LRP1B: variants seen among roughly 807,000 people sequenced by gnomAD.
The protein encoded by LRP1B is LDL receptor related protein 1B, also known as low-density lipoprotein receptor-related protein 1B.
Under a neutral mutation model 556.6 loss-of-function variants are expected in LRP1B, and 217 were observed. That is an observed-to-expected ratio of 0.39 (90% CI 0.35 to 0.44). The LOEUF is 0.44. LRP1B is among the 20% of genes least tolerant of loss of function. The pLI, the probability that LRP1B is intolerant of heterozygous loss-of-function variation, is 1.00. For missense variants in LRP1B, 5,053 were observed against 5,620.8 expected (o/e 0.90, Z 3.23); for synonymous variants, 2,047 against 1,865.8 (o/e 1.10, Z -2.50).
chr2:140,733,692 G>A (rs995272808), intron 35 of LRP1B, among the ~76,000 whole-genome samples: 35 of 152,150 alleles, frequency 2.3e-4, no homozygotes, highest in African/African-American at 7.0e-4. Context: ...AATGAGATTA[G>A]TGATCACTTC....
intron 3 of LRP1B, among the ~76,000 whole-genome samples, chr2:141,408,000 T>A (rs1414073899): frequency 1.3e-5 from 2 of 152,162 alleles, no homozygotes; most frequent in Admixed American, 1.3e-4. Flanking sequence ...CATTCTAGCA[T>A]CCAGAAAGAG....
Position 141,445,803 on chromosome 2 carries a change from T to G in LRP1B, c.343+34593A>C, listed in dbSNP as rs146524568. 3.2e-3 allele frequency among the ~76,000 whole-genome samples: 488 copies of G among 152,322 alleles called. 2 individuals are homozygous for G. The highest frequency in any genetic ancestry group is 0.011 in the African/African-American group (466 of 41,568). The stretch of plus-strand genomic sequence containing the variant: ...TCTGAGAGACTGTTATAATTTCTGT[T>G]CTTTCTCATTTGCTGAGGAGTATTT... On this transcript the variant is annotated intron_variant, in intron 3 of 90. Coordinates refer to ENST00000389484, the MANE Select transcript of LRP1B (RefSeq NM_018557.3).
chr2:141,826,144 T>C (rs1432580160), intron 1 of LRP1B, among the ~76,000 whole-genome samples: 1 of 151,876 alleles, frequency 6.6e-6, no homozygotes, highest in Non-Finnish European at 1.5e-5. Context: ...ATAGCTGCTA[T>C]CGCATTTTCA....
At chr2:140,665,811 A>G (rs2105348222) in intron 41 of LRP1B, among the ~76,000 whole-genome samples, 1 of 152,176 alleles carries the variant, frequency 6.6e-6, no homozygotes, top group Admixed American at 6.5e-5. Flanking sequence ...TATGTAACTT[A>G]TCTAAGAATA....
At chr2:141,416,285 T>C (rs771333280) in intron 3 of LRP1B, among the ~76,000 whole-genome samples, 18 of 152,128 alleles carry the variant, frequency 1.2e-4, no homozygotes, top group Non-Finnish European at 2.5e-4. Flanking sequence ...ATTCATGAGG[T>C]AAGTGACCTT....
At chr2:141,482,631 T>C (rs1007426462) in intron 2 of LRP1B, among the ~76,000 whole-genome samples, 6 of 152,122 alleles carry the variant, frequency 3.9e-5, no homozygotes, top group Non-Finnish European at 8.8e-5. Context: ...ATGTTTATAA[T>C]ATTAACATAA....
At chr2:140,959,618 C>G (rs1426221860) in intron 18 of LRP1B, among the ~76,000 whole-genome samples, 1 of 151,356 alleles carries the variant, frequency 6.6e-6, no homozygotes, top group Non-Finnish European at 1.5e-5. Flanking sequence ...CAGATAAAAT[C>G]AACAATGATT....
chr2:140,547,071 C>G (rs1238627970), intron 43 of LRP1B, among the ~76,000 whole-genome samples: 1 of 152,050 alleles, frequency 6.6e-6, no homozygotes, highest in Non-Finnish European at 1.5e-5. Context: ...TTCTTGAGAA[C>G]TTTTGCTATC....
chr2:141,867,112 A>G (rs1033102509), intron 1 of LRP1B, among the ~76,000 whole-genome samples: 2 of 152,184 alleles, frequency 1.3e-5, no homozygotes, highest in Non-Finnish European at 2.9e-5. Flanking sequence ...TCTTAAAGGA[A>G]ATAATAAAGA....
At chr2:141,577,305 C>A (rs1186244955) in intron 2 of LRP1B, among the ~76,000 whole-genome samples, 1 of 151,996 alleles carries the variant, frequency 6.6e-6, no homozygotes. Context: ...GGATTATCAC[C>A]ACAATAGGGG....
At chr2:141,798,314 C>A (rs1333872127) in intron 2 of LRP1B, among the ~76,000 whole-genome samples, 1 of 152,126 alleles carries the variant, frequency 6.6e-6, no homozygotes, top group African/African-American at 2.4e-5. Context: ...TTTCTGTCAG[C>A]TTAAAGTTCA....
chr2:141,685,775 C>T lies in LRP1B; in HGVS notation c.205+124504G>A, dbSNP rs1221141386. On this transcript the variant is annotated intron_variant, in intron 2 of 90. Coordinates refer to ENST00000389484, the MANE Select transcript of LRP1B (RefSeq NM_018557.3). Reference sequence around the variant, plus strand: ...AACACAAGGAATAGATTCTTTCCTGCAGCCTCCAGAAGAAATAAGTTAGCA... The same window carrying T: ...AACACAAGGAATAGATTCTTTCCTGTAGCCTCCAGAAGAAATAAGTTAGCA... Among the ~76,000 whole-genome samples the T allele has an allele frequency of 2.0e-5, 3 of 152,118 alleles. No individual in the cohort carries two copies. The East Asian group carries it at 5.8e-4, about 30-fold the overall frequency.
At chr2:140,754,933 G>C (rs932956366) in intron 35 of LRP1B, among the ~76,000 whole-genome samples, 1 of 148,530 alleles carries the variant, frequency 6.7e-6, no homozygotes, top group African/African-American at 2.6e-5. Context: ...GACTAACAAA[G>C]GCAAATGGAG....
At chr2:141,584,148 G>A (rs1298921891) in intron 2 of LRP1B, among the ~76,000 whole-genome samples, 3 of 152,094 alleles carry the variant, frequency 2.0e-5, no homozygotes, top group African/African-American at 7.2e-5. Flanking sequence ...AGGAGGCTGA[G>A]GAGGGAGGAT....
chr2:141,414,349 A>AAGGG (rs1691001699), intron 3 of LRP1B, among the ~76,000 whole-genome samples: 2 of 138,456 alleles, frequency 1.4e-5, no homozygotes, highest in Non-Finnish European at 3.1e-5. Flanking sequence ...GAGAGAGAGG[A>AAGGG]AGGGAGGGAG....
At chr2:141,790,929 G>C (rs1434640346) in intron 2 of LRP1B, among the ~76,000 whole-genome samples, 1 of 151,954 alleles carries the variant, frequency 6.6e-6, no homozygotes, top group Non-Finnish European at 1.5e-5. Context: ...ATTACAAATA[G>C]ATGTTAAAGT....
intron 1 of LRP1B, among the ~76,000 whole-genome samples, chr2:141,946,473 GA>G (rs1163457321): frequency 6.6e-6 from 1 of 152,152 alleles, no homozygotes; most frequent in East Asian, 1.9e-4. Flanking sequence ...GCAAATAGAA[GA>G]AAGTCTAGGT....
intron 24 of LRP1B, 48 bp from the exon 25 acceptor site, chr2:140,884,069 T>C (rs769608629): frequency 6.4e-7 from 1 of 1,561,188 alleles, no homozygotes. Context: ...AGGATTGTGT[T>C]AAGCACAAAG....
chr2:140,464,059 G>A (rs1455349002), intron 60 of LRP1B, among the ~76,000 whole-genome samples: 4 of 152,012 alleles, frequency 2.6e-5, no homozygotes, highest in African/African-American at 9.7e-5. Flanking sequence ...AGCCAGGCGT[G>A]GTGGTGCATG....
Sources: gnomAD v4.1 joint callset for allele counts (sites outside exome capture counted in the v4.1 genomes callset) on GRCh38, gnomAD v4.1.1 for gene constraint, MANE v1.5 for transcripts, NCBI Gene and HGNC (gene_info 2026-07-23, HGNC 2026-07-21) for gene names.